Variants in MGST2 observed in about 807,000 individuals in gnomAD.
MGST2 encodes microsomal glutathione S-transferase 2, also known as glutathione peroxidase MGST2.
Under a neutral mutation model 16.6 loss-of-function variants are expected in MGST2, and 9 were observed. The observed-to-expected ratio is 0.54, with a 90% CI of 0.33 to 0.95. The LOEUF is 0.95. Among genes scored for constraint, MGST2 ranks in the 40% least tolerant of loss-of-function variants. MGST2 has a pLI of 0.03. For missense variants in MGST2, 159 were observed against 175.1 expected (o/e 0.91, Z 0.52); for synonymous variants, 79 against 68.0 (o/e 1.16, Z -0.79).
At chr4:139,680,402 T>C (rs376926398) in intron 2 of MGST2, among the ~76,000 whole-genome samples, 1 of 152,226 alleles carries the variant, frequency 6.6e-6, no homozygotes, top group African/African-American at 2.4e-5. Flanking sequence ...CTCCTTTCGT[T>C]ACATTCAAAT....
chr4:139,676,927 A>C (rs925115376), intron 1 of MGST2, among the ~76,000 whole-genome samples: 1 of 152,206 alleles, frequency 6.6e-6, no homozygotes, highest in Non-Finnish European at 1.5e-5. Flanking sequence ...TCCCTTGTCC[A>C]GATCTGGGAG....
In MGST2 at chr4:139,704,182, G is replaced by T. The variant is rs1727428701; in HGVS notation, c.*34G>T. 2 of 1,611,076 alleles carry T rather than the reference G, an allele frequency of 1.2e-6. No homozygotes were observed. Among genetic ancestry groups the T allele is most frequent in the Non-Finnish European group, 1.7e-6 (2 of 1,177,364 alleles). On this transcript the variant is annotated 3_prime_UTR_variant, in exon 5 of 5. Transcript: ENST00000265498. ...CTTCCCTTTAATACTTGCAGAAGCT[G>T]TTCCCACCATGAAGGTAATATGGTA...
chr4:139,740,648 G>A (rs1411201140), exon 6 of MGST2: 2 of 152,068 alleles, frequency 1.3e-5, no homozygotes, highest in Non-Finnish European at 2.9e-5. Flanking sequence ...TGATGCATAG[G>A]CCTATCTTGT....
intron 5 of MGST2, chr4:139,720,072 T>G (rs201456750): frequency 8.4e-5 from 136 of 1,613,984 alleles, no homozygotes; most frequent in Non-Finnish European, 1.1e-4. Flanking sequence ...GTGATGCTCA[T>G]GCCACTTTGG....
the MGST2 span, among the ~76,000 whole-genome samples, chr4:139,750,666 A>G: frequency 2.6e-5 from 4 of 152,184 alleles, no homozygotes; most frequent in African/African-American, 4.8e-5. Flanking sequence ...AAAAATATAA[A>G]TTTAAAGAGG....
Position 139,735,471 on chromosome 4 carries a change from G to T in MGST2, c.*49-4741G>T, listed in dbSNP as rs536561386. 8.0e-4 allele frequency among the ~76,000 whole-genome samples: 122 copies of T among 151,804 alleles called. No individual in the cohort carries two copies. The highest frequency in any genetic ancestry group is 1.9e-3 in the African/African-American group (78 of 41,416). On this transcript the variant is annotated intron_variant, in intron 5 of 5. Transcript: ENST00000616265. This position sits in a 1 kb window ranked among gnomAD's most constrained non-coding sequence, Gnocchi z 5.8. ...GGTAGGGGGGCAGTGGCGACCTCCG[G>T]GGGGGGAGGGTGGCGGACACCAGAC... is the stretch of plus-strand genomic sequence containing the variant.
chr4:139,746,073 T>C, the MGST2 span, among the ~76,000 whole-genome samples: 1 of 152,224 alleles, frequency 6.6e-6, no homozygotes, highest in Non-Finnish European at 1.5e-5. Flanking sequence ...TCATGACAAG[T>C]AGACTTCATA....
Position 139,719,259 on chromosome 4 carries a change from C to T in MGST2, c.*48+15063C>T. 6 of 1,503,808 alleles carry T rather than the reference C, an allele frequency of 4.0e-6. No homozygotes were observed. The South Asian group carries it at 8.2e-5, about 21-fold the overall frequency. 93.2% of individuals were successfully genotyped at this position (1,503,808 alleles called of 1,614,324 possible). A position where few individuals can be genotyped will look rare whatever the true frequency, so the allele number is the denominator to read the frequency against. On this transcript the variant is annotated intron_variant, in intron 5 of 5. Transcript: ENST00000616265. ...ACAAAAAACAAGGATGGGTCAACAT[C>T]CTGTTTCTTTTTCACTTTTTAAGCT... is the stretch of plus-strand genomic sequence containing the variant.
intron 2 of MGST2, among the ~76,000 whole-genome samples, chr4:139,686,543 C>T (rs1330062541): frequency 6.6e-6 from 1 of 152,148 alleles, no homozygotes; most frequent in African/African-American, 2.4e-5. Context: ...TTTTGGTTTA[C>T]ACCCTATTCA....
intron 2 of MGST2, among the ~76,000 whole-genome samples, chr4:139,680,509 T>C (rs1731186345): frequency 6.6e-6 from 1 of 152,200 alleles, no homozygotes; most frequent in African/African-American, 2.4e-5. Context: ...TCTTGGTGCT[T>C]GCTGCACAGC....
intron 1 of MGST2, among the ~76,000 whole-genome samples, chr4:139,676,952 T>C (rs1018289637): frequency 9.9e-5 from 15 of 152,202 alleles, no homozygotes; most frequent in Non-Finnish European, 2.2e-4. Context: ...TAATGGAGTC[T>C]GACACCTGTA....
chr4:139,672,979 T>A (rs1218721848), intron 1 of MGST2, among the ~76,000 whole-genome samples: 1 of 152,172 alleles, frequency 6.6e-6, no homozygotes, highest in Non-Finnish European at 1.5e-5. Flanking sequence ...CCAGGATCAA[T>A]ATTGACTTCT....
chr4:139,695,082 T>G, intron 2 of MGST2, 115 bp from the exon 3 acceptor site: 1 of 736,468 alleles, frequency 1.4e-6, no homozygotes, highest in South Asian at 1.6e-5. Flanking sequence ...TAAACTCTTT[T>G]GTAAGTTCTT....
chr4:139,731,958 T>A (rs1384013943), intron 5 of MGST2, among the ~76,000 whole-genome samples: 1 of 152,236 alleles, frequency 6.6e-6, no homozygotes, highest in Non-Finnish European at 1.5e-5. Context: ...GTGGCAAGTA[T>A]GTTCTGAACA....
chr4:139,690,819 T>C (rs1392197801), intron 2 of MGST2, among the ~76,000 whole-genome samples: 2 of 152,180 alleles, frequency 1.3e-5, no homozygotes, highest in East Asian at 1.9e-4. Flanking sequence ...AGCACTTAGT[T>C]TGGGCCATCC....
At position 139,715,486 on chromosome 4, in the gene MGST2, G is replaced by A. The variant is rs535727260; in HGVS notation, c.*48+11290G>A. Among the ~76,000 whole-genome samples the A allele has an allele frequency of 2.6e-5, 4 of 152,226 alleles. No homozygotes were observed. Among genetic ancestry groups the A allele is most frequent in the South Asian group, 2.1e-4 (1 of 4,806 alleles). On this transcript the variant is annotated intron_variant, in intron 5 of 5. Coordinates refer to the MGST2 transcript ENST00000616265. The surrounding 1 kb of genome is among the most constrained non-coding windows in gnomAD (Gnocchi z 4.4). ...CCAAGAGAGGGTTCTTGGCTCTTGC[G>A]CAAGAAAGAATTCAGGGTGAGTCTG...
intron 5 of MGST2, among the ~76,000 whole-genome samples, chr4:139,729,156 C>CAAAAAAAAAAAAAAAAAAAAAAA (rs4057275): frequency 1.2e-5 from 1 of 81,704 alleles, no homozygotes; most frequent in Non-Finnish European, 2.3e-5. Context: ...GGAACAAAAG[C>CAAAAAAAAAAAAAAAAAAAAAAA]AAAAAAAAAA....
At chr4:139,702,867 T>TTTTTTC (rs767366469) in intron 3 of MGST2, among the ~76,000 whole-genome samples, 2 of 132,386 alleles carry the variant, frequency 1.5e-5, no homozygotes, top group African/African-American at 5.4e-5. Flanking sequence ...TTTTTTTTTT[T>TTTTTTC]TTTACAATTT....
chr4:139,719,755 C>T (rs375651551), intron 5 of MGST2: 21 of 1,613,594 alleles, frequency 1.3e-5, no homozygotes, highest in South Asian at 2.2e-5. Context: ...TGGTCAGTCT[C>T]GGCTGCCCAG....
Sources: gnomAD v4.1 joint callset for allele counts (sites outside exome capture counted in the v4.1 genomes callset) on GRCh38, gnomAD v4.1.1 for gene constraint, Gnocchi (gnomAD v3.1) non-coding constraint, MANE v1.5 for transcripts, NCBI Gene and HGNC (gene_info 2026-07-23, HGNC 2026-07-21) for gene names.